Variants in CPNE4 observed in about 807,000 individuals in gnomAD.
CPNE4 encodes copine 4.
Under a neutral mutation model 67.9 loss-of-function variants are expected in CPNE4, and 25 were observed. The observed-to-expected ratio is 0.37, with a 90% CI of 0.27 to 0.51. The LOEUF (loss-of-function observed/expected upper bound fraction) is 0.51. Among genes scored for constraint, CPNE4 ranks in the 20% least tolerant of loss-of-function variants. The pLI, the probability that CPNE4 is intolerant of heterozygous loss-of-function variation, is 0.93. For missense variants in CPNE4, 464 were observed against 690.8 expected (o/e 0.67, Z 3.68); for synonymous variants, 242 against 244.9 (o/e 0.99, Z 0.11).
chr3:131,687,414 G>A lies in CPNE4; in HGVS notation c.508-1456C>T, dbSNP rs552131290. On this transcript the variant is annotated intron_variant, in intron 5 of 15. Transcript: ENST00000429747. ...TGAATAAATACATAAATAAGTGAAT[G>A]GATACCTGGTATAGGATAGGAGGCT... is the stretch of plus-strand genomic sequence containing the variant. Among the ~76,000 whole-genome samples, 5 of 152,260 alleles carry A rather than the reference G, an allele frequency of 3.3e-5. No homozygotes were observed. The East Asian group carries it at 9.6e-4, about 29-fold the overall frequency.
At chr3:131,973,235 G>C (rs2072550281) in intron 1 of CPNE4, among the ~76,000 whole-genome samples, 1 of 152,164 alleles carries the variant, frequency 6.6e-6, no homozygotes, top group African/African-American at 2.4e-5. Flanking sequence ...ATTTTCAGCT[G>C]TGTTCAAAAA....
chr3:131,551,292 G>C (rs914679800), intron 13 of CPNE4, among the ~76,000 whole-genome samples: 8 of 152,118 alleles, frequency 5.3e-5, no homozygotes, highest in Non-Finnish European at 1.2e-4. Context: ...CAGATGCCAA[G>C]TCATTTTGCA....
At chr3:131,940,705 TA>T (rs1408327182) in intron 1 of CPNE4, among the ~76,000 whole-genome samples, 1 of 152,038 alleles carries the variant, frequency 6.6e-6, no homozygotes, top group African/African-American at 2.4e-5. Flanking sequence ...AGTTCTAGGA[TA>T]AGGAAAATTA....
intron 1 of CPNE4, among the ~76,000 whole-genome samples, chr3:131,972,943 C>G (rs1330412997): frequency 1.3e-5 from 2 of 152,136 alleles, no homozygotes; most frequent in Non-Finnish European, 2.9e-5. Context: ...TCTCTGAAGT[C>G]CCAGCTTTCT....
chr3:131,680,705 A>G (rs1192948599), intron 6 of CPNE4, among the ~76,000 whole-genome samples: 1 of 151,906 alleles, frequency 6.6e-6, no homozygotes, highest in African/African-American at 2.4e-5. Flanking sequence ...TTTTGGGGGC[A>G]GGTGGTATTT....
At chr3:131,658,775 C>A (rs11706180) in intron 7 of CPNE4, among the ~76,000 whole-genome samples, 2 of 152,024 alleles carry the variant, frequency 1.3e-5, no homozygotes, top group African/African-American at 2.4e-5. Context: ...TTTATGAAAG[C>A]TGATCTTCTT....
At chr3:132,011,759 A>T (rs1056535796) in intron 1 of CPNE4, among the ~76,000 whole-genome samples, 2 of 152,236 alleles carry the variant, frequency 1.3e-5, no homozygotes, top group African/African-American at 4.8e-5. Context: ...GACAATTTCA[A>T]TTGGGATTAG....
At chr3:132,028,165 T>A (rs2074156150) in intron 1 of CPNE4, among the ~76,000 whole-genome samples, 1 of 152,208 alleles carries the variant, frequency 6.6e-6, no homozygotes, top group East Asian at 1.9e-4. Flanking sequence ...GCCTGCTGAA[T>A]GAGATGCCAC....
intron 2 of CPNE4, among the ~76,000 whole-genome samples, chr3:131,846,834 C>T (rs2086016470): frequency 6.6e-6 from 1 of 152,102 alleles, no homozygotes; most frequent in Non-Finnish European, 1.5e-5. Context: ...TAAGCTGAAC[C>T]TACATGTGGC....
At chr3:131,770,113 A>C (rs1017774596) in intron 2 of CPNE4, among the ~76,000 whole-genome samples, 1 of 152,144 alleles carries the variant, frequency 6.6e-6, no homozygotes, top group Non-Finnish European at 1.5e-5. Flanking sequence ...TTTTCACAGC[A>C]CAAAATGTAT....
At chr3:131,876,789 A>G (rs2087478558) in intron 2 of CPNE4, among the ~76,000 whole-genome samples, 1 of 152,200 alleles carries the variant, frequency 6.6e-6, no homozygotes, top group African/African-American at 2.4e-5. Context: ...ATGAAGTGTG[A>G]GTACATCACT....
At chr3:131,617,021 T>G (rs1325767448) in intron 7 of CPNE4, among the ~76,000 whole-genome samples, 1 of 152,174 alleles carries the variant, frequency 6.6e-6, no homozygotes. Flanking sequence ...TGATTGTCAC[T>G]TGTATGATGT....
chr3:131,565,069 A>G (rs1936984544), intron 10 of CPNE4, among the ~76,000 whole-genome samples: 1 of 152,026 alleles, frequency 6.6e-6, no homozygotes, highest in Admixed American at 6.6e-5. Context: ...TAATCATGTA[A>G]GTAAACGTTG....
intron 7 of CPNE4, among the ~76,000 whole-genome samples, chr3:131,657,188 A>G (rs1455557746): frequency 6.6e-6 from 1 of 152,202 alleles, no homozygotes; most frequent in Admixed American, 6.5e-5. Flanking sequence ...ATATGATGCA[A>G]TGATTTCCTT....
chr3:131,544,845 G>T (rs1935734837), intron 14 of CPNE4, among the ~76,000 whole-genome samples: 1 of 152,104 alleles, frequency 6.6e-6, no homozygotes, highest in Non-Finnish European at 1.5e-5. Flanking sequence ...TCACACTTCT[G>T]TGTCTCCTAC....
At chr3:131,659,217 G>A (rs1168916368) in intron 7 of CPNE4, among the ~76,000 whole-genome samples, 1 of 152,192 alleles carries the variant, frequency 6.6e-6, no homozygotes, top group Non-Finnish European at 1.5e-5. Context: ...AAACAGAGTA[G>A]TGAGTCCTGT....
intron 7 of CPNE4, among the ~76,000 whole-genome samples, chr3:131,614,819 C>G (rs1229106930): frequency 6.6e-6 from 1 of 152,162 alleles, no homozygotes; most frequent in Admixed American, 6.5e-5. Flanking sequence ...ACAATAGTTA[C>G]CTTGTTCTTA....
chr3:131,923,293 C>T (rs932342185), intron 1 of CPNE4, among the ~76,000 whole-genome samples: 1 of 152,168 alleles, frequency 6.6e-6, no homozygotes, highest in African/African-American at 2.4e-5. Context: ...AAAATATTGT[C>T]ACCAAACATT....
intron 2 of CPNE4, among the ~76,000 whole-genome samples, chr3:131,743,819 C>G (rs550613206): frequency 1.3e-5 from 2 of 151,080 alleles, no homozygotes; most frequent in African/African-American, 4.9e-5. Context: ...AAAAATTAGC[C>G]GGGCGTGGTA....
Sources: allele counts gnomAD v4.1 joint callset (sites outside exome capture counted in the v4.1 genomes callset), GRCh38; gene constraint gnomAD v4.1.1; transcripts MANE v1.5; gene names NCBI Gene and HGNC (gene_info 2026-07-23, HGNC 2026-07-21).